Variants in LIPA observed in about 807,000 individuals in gnomAD.
The protein encoded by LIPA is lysosomal acid lipase/cholesteryl ester hydrolase.
Under a neutral mutation model 40.6 loss-of-function variants are expected in LIPA, and 26 were observed. The ratio of observed to expected loss-of-function variants is 0.64; its 90% CI spans 0.47 to 0.89. The LOEUF (loss-of-function observed/expected upper bound fraction) is 0.89. Ranked by LOEUF, LIPA falls within the 40% of genes least tolerant of loss-of-function variation. The pLI, the probability that LIPA is intolerant of heterozygous loss-of-function variation, is 0.00. For missense variants in LIPA, 455 were observed against 479.6 expected, an observed-to-expected ratio of 0.95 and a Z score of 0.48; for synonymous variants, 188 against 168.4, an observed-to-expected ratio of 1.12 and a Z score of -0.90.
upstream of LIPA, among the ~76,000 whole-genome samples, chr10:89,345,003 C>A (rs938733022): frequency 2.6e-5 from 4 of 151,674 alleles, no homozygotes; most frequent in Non-Finnish European, 5.9e-5. Context: ...CCGGTTTCTA[C>A]TAAAAATACA....
intron 3 of LIPA, among the ~76,000 whole-genome samples, chr10:89,228,903 G>A (rs1284818969): frequency 6.6e-6 from 1 of 152,176 alleles, no homozygotes; most frequent in Non-Finnish European, 1.5e-5. Context: ...ATTCATTGCT[G>A]GTGGAAATGC....
intron 2 of LIPA, among the ~76,000 whole-genome samples, chr10:89,396,170 C>A (rs1257973689): frequency 6.6e-6 from 1 of 152,132 alleles, no homozygotes; most frequent in Admixed American, 6.6e-5. Context: ...TATTGAGGAA[C>A]CACCACATTG....
rs1176639363 is a variant in LIPA at position 89,398,561 on chromosome 10, C to G, written c.61+14230G>C. 2.0e-5 allele frequency among the ~76,000 whole-genome samples: 3 copies of G among 152,164 alleles called. No homozygotes were observed. In the South Asian group the frequency reaches 6.2e-4, roughly 32 times the overall value. On this transcript the variant is annotated intron_variant, in intron 2 of 8. Coordinates refer to the LIPA transcript ENST00000371837. ...ACCCGGCACCCTAGTCCCTGTTAAT[C>G]ACTATTTTACTTTCTGTCTTTATGA...
chr10:89,339,290 T>C, intron 1 of LIPA: 2 of 1,614,168 alleles, frequency 1.2e-6, no homozygotes. Flanking sequence ...GTCAAGGTTC[T>C]CTTGGGCCTG....
intron 5 of LIPA, among the ~76,000 whole-genome samples, chr10:89,226,079 T>G (rs1842766664): frequency 6.6e-6 from 1 of 152,194 alleles, no homozygotes; most frequent in African/African-American, 2.4e-5. Context: ...TCTGACGTCT[T>G]GCCACCTGGC....
chr10:89,245,700 C>A lies in LIPA; in HGVS notation c.205G>T (p.Gly69Trp), dbSNP rs1479222280. ...YILCLNRIPH[G>W]RKNHSDKGPK... ...CCTTTGTCAGAATGGTTCTTCCTCCCATGAGGAATTCGGTTAAGGCACAGA... is the reference window on the plus strand; with the variant it reads ...CCTTTGTCAGAATGGTTCTTCCTCCAATGAGGAATTCGGTTAAGGCACAGA... The change falls in exon 3 of 10, where the codon GGG becomes TGG. Residue 69 changes from glycine (G) to tryptophan (W), a missense_variant. Coordinates refer to ENST00000336233, the MANE Select transcript of LIPA (RefSeq NM_000235.4). 1 of 1,585,498 alleles carries A rather than the reference C, an allele frequency of 6.3e-7. No individual in the cohort carries two copies. The highest frequency in any genetic ancestry group is 1.1e-5 in the South Asian group (1 of 90,542).
At chr10:89,346,825 A>C (rs1843926012), upstream of LIPA, among the ~76,000 whole-genome samples, 1 of 152,232 alleles carries the variant, frequency 6.6e-6, no homozygotes, top group Non-Finnish European at 1.5e-5. Flanking sequence ...ATGATGGCTG[A>C]GGAATCTGGG....
At chr10:89,252,833 G>A (rs1162341411), upstream of LIPA, among the ~76,000 whole-genome samples, 1 of 151,482 alleles carries the variant, frequency 6.6e-6, no homozygotes, top group East Asian at 1.9e-4. Flanking sequence ...CAGGGATAAG[G>A]AGGATGATAT....
chr10:89,395,719 G>A (rs1329599951), intron 2 of LIPA, among the ~76,000 whole-genome samples: 1 of 152,056 alleles, frequency 6.6e-6, no homozygotes, highest in Non-Finnish European at 1.5e-5. Context: ...TCCCAAGAAA[G>A]GCACATTGTA....
At chr10:89,287,951 T>C (rs1389512047) in intron 1 of LIPA, among the ~76,000 whole-genome samples, 3 of 152,174 alleles carry the variant, frequency 2.0e-5, no homozygotes, top group African/African-American at 4.8e-5. Context: ...CTGTTCTGGA[T>C]CTCAAACATG....
intron 8 of LIPA, among the ~76,000 whole-genome samples, chr10:89,219,455 AG>A (rs1386750000): frequency 6.6e-6 from 1 of 152,268 alleles, no homozygotes; most frequent in Non-Finnish European, 1.5e-5. Flanking sequence ...CAGGTTTATA[AG>A]GAGAATGGAA....
At chr10:89,281,352 T>C (rs1843313709) in intron 1 of LIPA, among the ~76,000 whole-genome samples, 1 of 152,220 alleles carries the variant, frequency 6.6e-6, no homozygotes, top group African/African-American at 2.4e-5. Context: ...ATCCACTCCT[T>C]CATCCGGCCT....
intron 3 of LIPA, among the ~76,000 whole-genome samples, chr10:89,235,515 AGC>A (rs773541558): frequency 1.3e-5 from 2 of 152,238 alleles, no homozygotes; most frequent in Non-Finnish European, 2.9e-5. Context: ...TGTGGGTGGA[AGC>A]CAGGAGGCGA....
intron 2 of LIPA, among the ~76,000 whole-genome samples, chr10:89,366,967 C>T (rs935825153): frequency 6.6e-6 from 1 of 152,146 alleles, no homozygotes; most frequent in Admixed American, 6.5e-5. Context: ...AAATGTGGCA[C>T]ATATACACCA....
In LIPA at chr10:89,393,300, A is replaced by G. The variant is rs148071714; in HGVS notation, c.61+19491T>C. ...GGTTTTCGCAATCAGGCTGAGCTTA[A>G]GATAAACAGATTGCCTCCTCCCTGG... On this transcript the variant is annotated intron_variant, in intron 2 of 8. Transcript: ENST00000371837. 1.5e-3 allele frequency: 1,897 copies of G among 1,288,688 alleles called. 14 individuals are homozygous for G. The African/African-American group carries it at 0.019, about 13-fold the overall frequency. The allele number at this position is 1,288,688 out of a possible 1,614,324, so 79.8% of individuals were successfully genotyped here.
chr10:89,219,965 T>A (rs1212848841), intron 8 of LIPA, among the ~76,000 whole-genome samples: 1 of 152,210 alleles, frequency 6.6e-6, no homozygotes, highest in Non-Finnish European at 1.5e-5. Context: ...AGAGCAGTGC[T>A]CTGGCCCTCA....
intron 1 of LIPA, among the ~76,000 whole-genome samples, chr10:89,250,107 C>CTTTCTTTTTT (rs573748456): frequency 1.0e-5 from 1 of 96,076 alleles, no homozygotes; most frequent in African/African-American, 4.6e-5. Flanking sequence ...TCTTTTCTTT[C>CTTTCTTTTTT]TTTTTTTTTT....
At chr10:89,337,883 C>A (rs578232226) in intron 1 of LIPA, among the ~76,000 whole-genome samples, 28 of 152,298 alleles carry the variant, frequency 1.8e-4, no homozygotes, top group African/African-American at 6.5e-4. Flanking sequence ...ATTTTTCCAA[C>A]CTTGTGATGG....
chr10:89,391,372 C>A (rs1448025914), intron 2 of LIPA, among the ~76,000 whole-genome samples: 1 of 151,632 alleles, frequency 6.6e-6, no homozygotes, highest in Non-Finnish European at 1.5e-5. Flanking sequence ...CACCACCACA[C>A]CCAGCTTTTT....
Sources: allele counts gnomAD v4.1 joint callset (sites outside exome capture counted in the v4.1 genomes callset), GRCh38; gene constraint gnomAD v4.1.1; transcripts MANE v1.5; gene names NCBI Gene and HGNC (gene_info 2026-07-23, HGNC 2026-07-21).